The following CPM variants were observed in gnomAD, a reference collection of about 807,000 sequenced individuals.
CPM encodes renal carboxypeptidase.
Under a neutral mutation model 46.4 loss-of-function variants are expected in CPM, and 35 were observed. That is an observed-to-expected ratio of 0.75 (90% CI 0.58 to 1.00). The LOEUF is 1.00. Among genes scored for constraint, CPM ranks in the 50% least tolerant of loss-of-function variants. The probability of loss-of-function intolerance (pLI) is 0.00; values close to 1 mark genes in which losing one functional copy is unlikely to be tolerated. For synonymous variants in CPM, 195 were observed against 195.3 expected, an observed-to-expected ratio of 1.00 and a Z score of 0.01; for missense variants, 422 against 530.4, an observed-to-expected ratio of 0.80 and a Z score of 2.01.
intron 2 of CPM, among the ~76,000 whole-genome samples, chr12:68,906,637 C>A (rs138387541): frequency 1.4e-3 from 206 of 152,178 alleles, no homozygotes; most frequent in African/African-American, 4.6e-3. Flanking sequence ...TTACAGGTAT[C>A]CGCCATCACA....
At position 68,940,850 on chromosome 12, in the gene CPM, A is replaced by G. The variant is rs575123837; in HGVS notation, c.-3-8010T>C. Among the ~76,000 whole-genome samples, 15 of 152,242 alleles carry G rather than the reference A, an allele frequency of 9.9e-5. No individual in the cohort carries two copies. In the South Asian group the frequency reaches 1.9e-3, roughly 19 times the overall value. On this transcript the variant is annotated intron_variant, in intron 1 of 8. Transcript: ENST00000546373. ...TTTTTAAATTATTGTGCTATAAAAC[A>G]TATAAAATTACCATCTTAACTGTTT...
Position 68,928,024 on chromosome 12 carries a change from A to C in CPM, c.160+4654T>G, listed in dbSNP as rs368666714. On this transcript the variant is annotated intron_variant, in intron 2 of 8. Transcript: ENST00000551568. ...TCACAGAATTGGAAAAAACTACTTTAAAGTTCATATGGAACCAAAAAAGAG... is the reference window on the plus strand; with the variant it reads ...TCACAGAATTGGAAAAAACTACTTTCAAGTTCATATGGAACCAAAAAAGAG... Among the ~76,000 whole-genome samples, 73 of 152,344 alleles carry C rather than the reference A, an allele frequency of 4.8e-4. No homozygotes were observed. In the South Asian group the frequency reaches 5.8e-3, roughly 12 times the overall value.
At chr12:68,917,225 C>CT (rs1555199612) in intron 2 of CPM, among the ~76,000 whole-genome samples, 7 of 151,658 alleles carry the variant, frequency 4.6e-5, no homozygotes, top group African/African-American at 1.7e-4. Context: ...TGGCTGATCT[C>CT]TTATCCTTCA....
rs534901496 is a variant in CPM, at chr12:68,955,037, T to G, written c.-4+8132A>C. ...TGTGTGCAGTGGCTGGACCCTGCGC[T>G]TGCTTGCCCACACACCCCTTGCTGC... On this transcript the variant is annotated intron_variant, in intron 1 of 8. Transcript: ENST00000546373. Among the ~76,000 whole-genome samples the G allele has an allele frequency of 7.2e-5, 11 of 152,262 alleles. No individual in the cohort carries two copies. The East Asian group carries it at 1.9e-3, about 27-fold the overall frequency.
chr12:68,864,125 AG>A (rs1218184902), intron 7 of CPM, among the ~76,000 whole-genome samples: 2 of 152,244 alleles, frequency 1.3e-5, no homozygotes, highest in African/African-American at 4.8e-5. Context: ...TTATAGAGAC[AG>A]GCAGATACAC....
At chr12:68,883,738 C>T (rs929563941) in intron 3 of CPM, among the ~76,000 whole-genome samples, 2 of 151,962 alleles carry the variant, frequency 1.3e-5, no homozygotes, top group African/African-American at 4.8e-5. Context: ...ATAGCTGGAA[C>T]CTCTGAAATG....
chr12:68,892,351 G>A (rs1473098965), intron 2 of CPM, among the ~76,000 whole-genome samples: 1 of 152,180 alleles, frequency 6.6e-6, no homozygotes, highest in African/African-American at 2.4e-5. Flanking sequence ...GGCACAATGA[G>A]GATGGTTTGA....
intron 2 of CPM, among the ~76,000 whole-genome samples, chr12:68,918,626 C>T (rs986317718): frequency 6.6e-6 from 1 of 152,164 alleles, no homozygotes; most frequent in African/African-American, 2.4e-5. Context: ...CCAATCCAAT[C>T]CAATCCAATC....
intron 2 of CPM, among the ~76,000 whole-genome samples, chr12:68,892,267 A>C (rs977536125): frequency 6.6e-6 from 1 of 152,230 alleles, no homozygotes; most frequent in African/African-American, 2.4e-5. Context: ...CTTGCTGTGT[A>C]CTGGCTTCTG....
chr12:68,933,618 T>G (rs1048244030), upstream of CPM, among the ~76,000 whole-genome samples: 18 of 152,052 alleles, frequency 1.2e-4, no homozygotes, highest in African/African-American at 3.9e-4. Context: ...TGCGGAGTCC[T>G]GAGTGCCCTG....
At chr12:68,845,420 C>T (rs1229537448) in intron 5 of CPM, 2 of 207,498 alleles carry the variant, frequency 9.6e-6, no homozygotes, top group Non-Finnish European at 2.0e-5. Flanking sequence ...AAAATAAAAC[C>T]GTAAAGCAAG....
intron 1 of CPM, among the ~76,000 whole-genome samples, chr12:68,950,331 TTA>T (rs770019549): frequency 6.6e-6 from 1 of 152,202 alleles, no homozygotes; most frequent in Non-Finnish European, 1.5e-5. Context: ...ATATACTACA[TTA>T]TGTTATATAT....
At chr12:68,844,113 G>C (rs1884055943) in intron 5 of CPM, 2 of 207,424 alleles carry the variant, frequency 9.6e-6, no homozygotes, top group Non-Finnish European at 2.0e-5. Context: ...ATGTTTATGG[G>C]TTATTAAAAT....
At chr12:68,953,261 T>C (rs1418689134) in intron 1 of CPM, among the ~76,000 whole-genome samples, 3 of 152,140 alleles carry the variant, frequency 2.0e-5, no homozygotes, top group Admixed American at 6.5e-5. Context: ...CTTTTTTTTT[T>C]TAAGCAGGAA....
At chr12:68,909,874 A>C (rs866925768) in intron 2 of CPM, among the ~76,000 whole-genome samples, 2 of 151,792 alleles carry the variant, frequency 1.3e-5, no homozygotes, top group Non-Finnish European at 2.9e-5. Flanking sequence ...ATTAGGAGAA[A>C]TACCTAATGT....
intron 2 of CPM, among the ~76,000 whole-genome samples, chr12:68,931,035 G>A (rs1048426101): frequency 3.3e-5 from 5 of 152,066 alleles, no homozygotes; most frequent in African/African-American, 4.8e-5. Context: ...GGCTGAATAC[G>A]TATGCTGATT....
chr12:68,956,245 G>C (rs1187189428), intron 1 of CPM, among the ~76,000 whole-genome samples: 1 of 152,244 alleles, frequency 6.6e-6, no homozygotes, highest in East Asian at 1.9e-4. Flanking sequence ...GCCAGGAGCA[G>C]GGAGAGGTTA....
At chr12:68,890,902 C>T (rs1886628359) in intron 2 of CPM, among the ~76,000 whole-genome samples, 1 of 152,202 alleles carries the variant, frequency 6.6e-6, no homozygotes, top group Admixed American at 6.5e-5. Context: ...AAGCACATTC[C>T]AGTTTTTCGT....
chr12:68,933,015 C>A, intron 1 of CPM, 127 bp downstream of exon 1: 1 of 551,278 alleles, frequency 1.8e-6, no homozygotes, highest in East Asian at 3.1e-5. Flanking sequence ...AACCAGAGAC[C>A]GGGAGCACGG....
Sources: gnomAD v4.1 joint callset for allele counts (sites outside exome capture counted in the v4.1 genomes callset) on GRCh38, gnomAD v4.1.1 for gene constraint, MANE v1.5 for transcripts, NCBI Gene and HGNC (gene_info 2026-07-23, HGNC 2026-07-21) for gene names.